RIC1: variants seen among roughly 807,000 people sequenced by gnomAD.
The protein encoded by RIC1 is guanine nucleotide exchange factor subunit RIC1.
In RIC1, 88 loss-of-function variants were observed where a neutral mutation model predicts 169.0. That is an observed-to-expected ratio of 0.52 (90% confidence interval 0.44 to 0.62). The LOEUF (loss-of-function observed/expected upper bound fraction) is 0.62, where lower values mean the gene tolerates loss of function less well. Among genes scored for constraint, RIC1 ranks in the 20% least tolerant of loss-of-function variants. RIC1 has a pLI of 0.00. For missense variants in RIC1, 1,877 were observed against 1,725.5 expected (o/e 1.09, Z -1.56); for synonymous variants, 790 against 601.5 (o/e 1.31, Z -4.59).
intron 2 of RIC1, among the ~76,000 whole-genome samples, chr9:5,683,142 A>G (rs1279934027): frequency 6.6e-6 from 1 of 152,018 alleles, no homozygotes; most frequent in Non-Finnish European, 1.5e-5. Flanking sequence ...GCCTTCTTTC[A>G]ACTCGTCAAA....
intron 6 of RIC1, among the ~76,000 whole-genome samples, chr9:5,724,168 A>G (rs1182897877): frequency 6.6e-6 from 1 of 152,190 alleles, no homozygotes; most frequent in African/African-American, 2.4e-5. Flanking sequence ...CATTTTCACA[A>G]TATTGATTCT....
intron 6 of RIC1, among the ~76,000 whole-genome samples, 180 bp from the exon 7 acceptor site, chr9:5,732,208 G>A (rs1199520275): frequency 6.6e-6 from 1 of 152,146 alleles, no homozygotes; most frequent in Non-Finnish European, 1.5e-5. Context: ...GGTTTTAAGG[G>A]AGACTATTTG....
At chr9:5,680,444 G>T (rs1199899677) in intron 2 of RIC1, among the ~76,000 whole-genome samples, 2 of 152,186 alleles carry the variant, frequency 1.3e-5, no homozygotes, top group Admixed American at 1.3e-4. Context: ...ACCTCTGGTA[G>T]AATTCAGCTG....
chr9:5,650,641 T>C (rs1481556506), intron 1 of RIC1, among the ~76,000 whole-genome samples: 1 of 152,010 alleles, frequency 6.6e-6, no homozygotes, highest in Non-Finnish European at 1.5e-5. Context: ...CCTCAGGACA[T>C]GTTCAAGTGT....
chr9:5,740,461 A>G (rs1230012064), intron 8 of RIC1, among the ~76,000 whole-genome samples: 2 of 151,946 alleles, frequency 1.3e-5, no homozygotes, highest in South Asian at 2.1e-4. Flanking sequence ...AATAGAATAG[A>G]TACATACATA....
At position 5,714,059 on chromosome 9, in the gene RIC1, G is replaced by A. The variant is rs200598619; in HGVS notation, c.440+56G>A. 26 of 1,104,794 alleles carry A rather than the reference G, an allele frequency of 2.4e-5. No homozygotes were observed. In the East Asian group the frequency reaches 2.7e-4, roughly 12 times the overall value. 68.4% of individuals were successfully genotyped at this position (1,104,794 alleles called of 1,614,324 possible). A position where few individuals can be genotyped will look rare whatever the true frequency, so the allele number is the denominator to read the frequency against. ...GTGATGACAGTAGACAATGTAGTTCGTAAATCCCATGACCAACAGGAAAGT... is the reference window on the plus strand; with the variant it reads ...GTGATGACAGTAGACAATGTAGTTCATAAATCCCATGACCAACAGGAAAGT... On this transcript the variant is annotated intron_variant, in intron 4 of 25. Transcript: ENST00000414202.
intron 1 of RIC1, among the ~76,000 whole-genome samples, chr9:5,647,980 G>GTGGTGA (rs1189265303): frequency 0.087 from 10,878 of 125,412 alleles, 456 homozygotes; most frequent in East Asian, 0.15. Context: ...GGTGATGGTG[G>GTGGTGA]TGGTGGTGGT....
chr9:5,696,586 A>C (rs1235720582), intron 3 of RIC1, among the ~76,000 whole-genome samples: 1 of 149,898 alleles, frequency 6.7e-6, no homozygotes, highest in Non-Finnish European at 1.5e-5. Flanking sequence ...CTAATTCATC[A>C]ATACCTTCTT....
chr9:5,774,636 A>C lies in RIC1; in HGVS notation c.*390A>C. On this transcript the variant is annotated 3_prime_UTR_variant, in exon 26 of 26. Coordinates refer to ENST00000414202, the MANE Select transcript of RIC1 (RefSeq NM_020829.4). ...TGTCCAGATTGCTTTTTAAAAAATA[A>C]ATGCTAAGGTGCTTGCTATAGTCTG... The C allele has an allele frequency of 6.1e-6, 1 of 164,066 alleles. No homozygotes were observed. The highest frequency in any genetic ancestry group is 5.8e-5 in the Admixed American group (1 of 17,180). The allele number at this position is 164,066 out of a possible 1,614,324, so 10.2% of individuals were successfully genotyped here. A position where few individuals can be genotyped will look rare whatever the true frequency, so the allele number is the denominator to read the frequency against.
Position 5,629,336 on chromosome 9 carries a change from G to A in RIC1, c.27G>A (p.Lys9=), listed in dbSNP as rs1415665304. The change falls in exon 1 of 26, where the codon AAG becomes AAA. Residue 9 remains lysine, a synonymous_variant. Transcript: ENST00000414202. MYFLSGWP[K]RLLCPLGSPA... is the part of the protein sequence containing the mutation. ...TGTATTTTCTGAGCGGCTGGCCCAA[G>A]AGGCTGCTGTGCCCTCTGGGGAGCC... is the stretch of plus-strand genomic sequence containing the variant. 1 of 1,530,242 alleles carries A rather than the reference G, an allele frequency of 6.5e-7. No homozygotes were observed. The highest frequency in any genetic ancestry group is 8.7e-7 in the Non-Finnish European group (1 of 1,144,780). 94.8% of individuals were successfully genotyped at this position (1,530,242 alleles called of 1,614,324 possible).
At chr9:5,677,831 A>G (rs1164304920) in intron 2 of RIC1, among the ~76,000 whole-genome samples, 1 of 151,730 alleles carries the variant, frequency 6.6e-6, no homozygotes, top group African/African-American at 2.4e-5. Flanking sequence ...TTTTCTCACC[A>G]TGTTTACTCT....
At chr9:5,760,892 C>T (rs1826286633) in intron 17 of RIC1, among the ~76,000 whole-genome samples, 1 of 152,114 alleles carries the variant, frequency 6.6e-6, no homozygotes, top group African/African-American at 2.4e-5. Context: ...AGCCAGCATG[C>T]AGCAAAGCCT....
In RIC1 at chr9:5,646,542, A is replaced by T. The variant is rs74642834; in HGVS notation, c.145-10041A>T. Among the ~76,000 whole-genome samples, 391 of 152,298 alleles carry T rather than the reference A, an allele frequency of 2.6e-3. 13 individuals are homozygous for T. The East Asian group carries it at 0.061, about 24-fold the overall frequency. On this transcript the variant is annotated intron_variant, in intron 1 of 25. Transcript: ENST00000414202. ...ATTTACCATTATGGCACAATTGCTT[A>T]TGTATTCAGTATAGTAATATGCTAT...
intron 2 of RIC1, among the ~76,000 whole-genome samples, chr9:5,687,486 T>G (rs1411125993): frequency 6.6e-6 from 1 of 152,198 alleles, no homozygotes; most frequent in East Asian, 1.9e-4. Flanking sequence ...TTTAAGGCTG[T>G]AAATTTCCTC....
At chr9:5,762,810 C>A in intron 18 of RIC1, 150 bp downstream of exon 18, 1 of 1,015,392 alleles carries the variant, frequency 9.8e-7, no homozygotes, top group Non-Finnish European at 1.4e-6. Flanking sequence ...GGGTGTAAGA[C>A]TGACTGACTG....
At chr9:5,643,196 A>G (rs932571412) in intron 1 of RIC1, among the ~76,000 whole-genome samples, 1 of 152,134 alleles carries the variant, frequency 6.6e-6, no homozygotes, top group African/African-American at 2.4e-5. Context: ...GGTCTCAGCT[A>G]ATCTGGTGGC....
chr9:5,753,481 C>T (rs1167415121), intron 13 of RIC1, 55 bp from the exon 14 acceptor site: 19 of 1,069,474 alleles, frequency 1.8e-5, no homozygotes, highest in Middle Eastern at 2.1e-4. Flanking sequence ...GCTCTTTATG[C>T]CTAATAAAGT....
intron 1 of RIC1, among the ~76,000 whole-genome samples, chr9:5,632,373 A>G (rs1419387574): frequency 6.6e-6 from 1 of 152,184 alleles, no homozygotes. Flanking sequence ...TGGGTCTTCT[A>G]ATGAACTTTT....
rs761944083 is a variant in RIC1, at chr9:5,763,198, G to T, written c.2171G>T (p.Cys724Phe). Reference protein sequence around the residue: ...AQSVENVWTTCRANKQKRHLL... With the variant: ...AQSVENVWTTFRANKQKRHLL... ...TCTGTTGAAAATGTCTGGACAACGTGTCGAGCAAATAAACAGAAACGTCAC... is the reference window on the plus strand; with the variant it reads ...TCTGTTGAAAATGTCTGGACAACGTTTCGAGCAAATAAACAGAAACGTCAC... The change falls in exon 19 of 26, where the codon TGT becomes TTT. Residue 724 changes from cysteine (C) to phenylalanine (F), a missense_variant. Transcript: ENST00000414202. This position sits in a 1 kb window ranked among gnomAD's most constrained non-coding sequence, Gnocchi z 5.2. 1 of 1,614,074 alleles carries T rather than the reference G, an allele frequency of 6.2e-7. No homozygotes were observed. The highest frequency in any genetic ancestry group is 8.5e-7 in the Non-Finnish European group (1 of 1,179,990).
Sources: allele counts gnomAD v4.1 joint callset (sites outside exome capture counted in the v4.1 genomes callset), GRCh38; gene constraint gnomAD v4.1.1; non-coding constraint Gnocchi (gnomAD v3.1); transcripts MANE v1.5; gene names NCBI Gene and HGNC (gene_info 2026-07-23, HGNC 2026-07-21).